Variants in RNF144A observed in about 807,000 individuals in gnomAD.
The protein encoded by RNF144A is E3 ubiquitin-protein ligase RNF144A.
RNF144A carries 11 observed loss-of-function variants against 38.7 expected under a neutral mutation model. The ratio of observed to expected loss-of-function variants is 0.28; its 90% confidence interval spans 0.18 to 0.47. RNF144A has a LOEUF of 0.47. Among genes scored for constraint, RNF144A ranks in the 20% least tolerant of loss-of-function variants. The pLI, the probability that RNF144A is intolerant of heterozygous loss-of-function variation, is 0.99. For missense variants in RNF144A, 316 were observed against 377.2 expected (o/e 0.84, Z 1.34); for synonymous variants, 149 against 143.9 (o/e 1.04, Z -0.25).
intron 2 of RNF144A, among the ~76,000 whole-genome samples, chr2:6,987,632 A>G (rs1669043366): frequency 6.6e-6 from 1 of 152,128 alleles, no homozygotes; most frequent in African/African-American, 2.4e-5. Context: ...TCACCTGCAG[A>G]TGTAGGTGAA....
chr2:6,970,029 G>A (rs974493921), intron 2 of RNF144A, among the ~76,000 whole-genome samples: 1 of 152,098 alleles, frequency 6.6e-6, no homozygotes, highest in African/African-American at 2.4e-5. Flanking sequence ...CAAAGTGCTG[G>A]GATTACAGGC....
At chr2:7,022,582 T>C (rs1163674596) in intron 6 of RNF144A, among the ~76,000 whole-genome samples, 2 of 152,238 alleles carry the variant, frequency 1.3e-5, no homozygotes, top group East Asian at 3.8e-4. Flanking sequence ...TCCTGCCGTT[T>C]CTTCCAAAAT....
rs1027918115 is a variant in RNF144A, at chr2:6,958,601, A to G, written c.-12+17454A>G. Among the ~76,000 whole-genome samples, 2 of 151,990 alleles carry G rather than the reference A, an allele frequency of 1.3e-5. No homozygotes were observed. The highest frequency in any genetic ancestry group is 2.4e-5 in the African/African-American group (1 of 41,366). ...GAGCTAACTCAGTAGCCTCTCTCCTATGTCACGGTGGGAGTGTGTGGGACG... is the reference window on the plus strand; with the variant it reads ...GAGCTAACTCAGTAGCCTCTCTCCTGTGTCACGGTGGGAGTGTGTGGGACG... On this transcript the variant is annotated intron_variant, in intron 2 of 8. Transcript: ENST00000320892. This position sits in a 1 kb window ranked among gnomAD's most constrained non-coding sequence, Gnocchi z 4.5.
Position 7,030,213 on chromosome 2 carries a change from CAGGT to C in RNF144A, c.747+2_747+5del. Reference sequence around the variant, plus strand: ...GGCATCTGTGATCTGGCATCGGACACAGGTAGGAGGTGATTTGCCTGGAAGGTTG... The same window carrying C: ...GGCATCTGTGATCTGGCATCGGACACAGGAGGTGATTTGCCTGGAAGGTTG... On this transcript the variant is annotated splice_donor_variant and coding_sequence_variant, in exon 8 of 9. Transcript: ENST00000320892. LOFTEE classifies it high-confidence loss of function. The C allele has an allele frequency of 6.2e-7, 1 of 1,610,074 alleles. No homozygotes were observed. The highest frequency in any genetic ancestry group is 1.1e-5 in the South Asian group (1 of 90,990).
intron 2 of RNF144A, among the ~76,000 whole-genome samples, chr2:6,977,849 A>G (rs1195146459): frequency 1.3e-5 from 2 of 152,240 alleles, no homozygotes; most frequent in Non-Finnish European, 2.9e-5. Flanking sequence ...TAAGTTACAC[A>G]GTAGACAGTA....
intron 3 of RNF144A, among the ~76,000 whole-genome samples, chr2:7,001,645 C>T (rs181074584): frequency 6.6e-6 from 1 of 152,218 alleles, no homozygotes; most frequent in Admixed American, 6.5e-5. Context: ...CCACTGCACT[C>T]CAGCCTGGGC....
At chr2:7,027,646 C>G (rs1336532752) in intron 7 of RNF144A, among the ~76,000 whole-genome samples, 1 of 152,200 alleles carries the variant, frequency 6.6e-6, no homozygotes, top group Non-Finnish European at 1.5e-5. Context: ...TTCACCAGCC[C>G]TCTCCCTGAT....
intron 2 of RNF144A, among the ~76,000 whole-genome samples, chr2:6,963,072 T>C (rs1667442906): frequency 6.6e-6 from 1 of 152,238 alleles, no homozygotes; most frequent in South Asian, 2.1e-4. Flanking sequence ...GATCCACCTT[T>C]CTATGTTTGA....
chr2:7,031,994 T>C (rs1342727975), intron 8 of RNF144A, among the ~76,000 whole-genome samples: 2 of 152,266 alleles, frequency 1.3e-5, no homozygotes, highest in East Asian at 3.8e-4. Flanking sequence ...CTGGAAACCA[T>C]TGAATGTGTG....
chr2:6,987,521 T>C lies in RNF144A; in HGVS notation c.-11-9395T>C, dbSNP rs183880598. On this transcript the variant is annotated intron_variant, in intron 2 of 8. Transcript: ENST00000320892. Reference sequence around the variant, plus strand: ...TGGTCTACAAAAGAAAACAGTTCCATGTAAGTAGACTTTCTGCTCAATTAC... The same window carrying C: ...TGGTCTACAAAAGAAAACAGTTCCACGTAAGTAGACTTTCTGCTCAATTAC... Among the ~76,000 whole-genome samples, 52 of 152,314 alleles carry C rather than the reference T, an allele frequency of 3.4e-4. No individual in the cohort carries two copies. In the East Asian group the frequency reaches 6.9e-3, roughly 20 times the overall value.
chr2:6,973,210 G>A (rs972542253), intron 2 of RNF144A, among the ~76,000 whole-genome samples: 7 of 152,198 alleles, frequency 4.6e-5, no homozygotes, highest in Non-Finnish European at 1.0e-4. Context: ...CCGAGCTGGG[G>A]TTCAAACTCA....
intron 3 of RNF144A, among the ~76,000 whole-genome samples, chr2:7,003,110 T>C (rs1190359663): frequency 1.3e-5 from 2 of 150,404 alleles, no homozygotes; most frequent in African/African-American, 5.0e-5. Flanking sequence ...TATATACACA[T>C]ATATATATTT....
chr2:6,938,834 T>C (rs1346173647), intron 1 of RNF144A, among the ~76,000 whole-genome samples: 1 of 152,220 alleles, frequency 6.6e-6, no homozygotes. Flanking sequence ...ATATAATATA[T>C]GTCCTTTTGT....
chr2:6,981,530 T>C (rs1308636775), intron 2 of RNF144A, among the ~76,000 whole-genome samples: 2 of 152,200 alleles, frequency 1.3e-5, no homozygotes, highest in African/African-American at 4.8e-5. Flanking sequence ...GCCACCAGTC[T>C]CTTTACTAAA....
intron 2 of RNF144A, among the ~76,000 whole-genome samples, chr2:6,969,426 G>A (rs1229131898): frequency 1.3e-5 from 2 of 152,062 alleles, no homozygotes; most frequent in African/African-American, 4.8e-5. Context: ...CAGGGAGAGG[G>A]GCCTGGAGCA....
intron 2 of RNF144A, among the ~76,000 whole-genome samples, chr2:6,964,066 AAAAAAAC>A (rs1489941287): frequency 2.6e-5 from 4 of 152,268 alleles, no homozygotes; most frequent in African/African-American, 9.6e-5. Flanking sequence ...AGAGATGGAA[AAAAAAAC>A]AAAAAACAGA....
intron 2 of RNF144A, among the ~76,000 whole-genome samples, chr2:6,983,337 G>T (rs2103366114): frequency 6.6e-6 from 1 of 152,244 alleles, no homozygotes; most frequent in Middle Eastern, 3.4e-3. Context: ...TGTCTTTCTA[G>T]AACAATCCCT....
chr2:6,982,716 G>A (rs1210183669), intron 2 of RNF144A, among the ~76,000 whole-genome samples: 1 of 152,176 alleles, frequency 6.6e-6, no homozygotes, highest in African/African-American at 2.4e-5. Flanking sequence ...TGAGAAAGTG[G>A]CAACTTCATG....
At chr2:6,942,704 C>T (rs1202393482) in intron 2 of RNF144A, among the ~76,000 whole-genome samples, 1 of 152,194 alleles carries the variant, frequency 6.6e-6, no homozygotes, top group African/African-American at 2.4e-5. Flanking sequence ...GATTCAGAGG[C>T]CGGGTGCGGT....
Sources: allele counts gnomAD v4.1 joint callset (sites outside exome capture counted in the v4.1 genomes callset), GRCh38; gene constraint gnomAD v4.1.1; non-coding constraint Gnocchi (gnomAD v3.1); transcripts MANE v1.5; gene names NCBI Gene and HGNC (gene_info 2026-07-23, HGNC 2026-07-21).